The following RBFOX1 variants were observed in gnomAD, a reference collection of about 807,000 sequenced individuals.
RBFOX1 encodes RNA binding protein fox-1 homolog 1.
Under a neutral mutation model 57.7 loss-of-function variants are expected in RBFOX1, and 8 were observed. The ratio of observed to expected loss-of-function variants is 0.14; its 90% confidence interval spans 0.08 to 0.25. The LOEUF is 0.25. RBFOX1 is among the 10% of genes least tolerant of loss of function. The pLI is 1.00. For synonymous variants in RBFOX1, 326 were observed against 222.4 expected, an observed-to-expected ratio of 1.47 and a Z score of -4.15; for missense variants, 611 against 548.5, an observed-to-expected ratio of 1.11 and a Z score of -1.14.
At chr16:7,153,849 G>C (rs555187583) in intron 4 of RBFOX1, among the ~76,000 whole-genome samples, 2 of 152,110 alleles carry the variant, frequency 1.3e-5, no homozygotes, top group Non-Finnish European at 2.9e-5. Flanking sequence ...CAGGCTATCA[G>C]ATGTTTTTGT....
intron 3 of RBFOX1, among the ~76,000 whole-genome samples, chr16:6,685,573 C>A (rs916969364): frequency 6.6e-6 from 1 of 152,006 alleles, no homozygotes; most frequent in African/African-American, 2.4e-5. Context: ...CAGGCATGAG[C>A]CACTGTGTCT....
chr16:7,159,620 C>A (rs923788096), intron 4 of RBFOX1, among the ~76,000 whole-genome samples: 1 of 152,166 alleles, frequency 6.6e-6, no homozygotes, highest in Non-Finnish European at 1.5e-5. Context: ...CAGTCATCTC[C>A]CGCTTATCGT....
intron 1 of RBFOX1, among the ~76,000 whole-genome samples, chr16:5,406,962 T>A (rs984237205): frequency 1.3e-5 from 2 of 152,098 alleles, no homozygotes; most frequent in Non-Finnish European, 2.9e-5. Context: ...GAAGTGACAT[T>A]TGAGTGATGT....
At chr16:5,996,563 G>A (rs1321798387) in intron 4 of RBFOX1, among the ~76,000 whole-genome samples, 1 of 152,010 alleles carries the variant, frequency 6.6e-6, no homozygotes, top group Non-Finnish European at 1.5e-5. Flanking sequence ...AAGTGAGGGG[G>A]CTATTTGCAA....
At chr16:6,121,517 C>T (rs1461710504) in intron 1 of RBFOX1, among the ~76,000 whole-genome samples, 2 of 152,200 alleles carry the variant, frequency 1.3e-5, no homozygotes, top group Admixed American at 1.3e-4. Context: ...AATGATCCAG[C>T]CACATTAACC....
At position 5,268,270 on chromosome 16, in the gene RBFOX1, G is replaced by A. The variant is rs2062912491; in HGVS notation, c.219+28165G>A. Among the ~76,000 whole-genome samples, 3 of 152,130 alleles carry A rather than the reference G, an allele frequency of 2.0e-5. No individual in the cohort carries two copies. In the South Asian group the frequency reaches 6.2e-4, roughly 32 times the overall value. On this transcript the variant is annotated intron_variant, in intron 1 of 2. Transcript: ENST00000585867. ...CTTCGTACCTACAAGTGCAATTTGT[G>A]TTAATTCTGCAAAATTTGCCGTATA... is the stretch of plus-strand genomic sequence containing the variant.
intron 1 of RBFOX1, among the ~76,000 whole-genome samples, chr16:5,423,015 G>A (rs1271393079): frequency 8.9e-6 from 1 of 112,620 alleles, no homozygotes; most frequent in East Asian, 3.0e-4. Flanking sequence ...GGAGGAGAAA[G>A]GAGAGGGAGG....
In RBFOX1 at chr16:5,473,027, CT is replaced by C. The variant is rs1210628550; in HGVS notation, c.258+5774del. On this transcript the variant is annotated intron_variant, in intron 2 of 2. Coordinates refer to the RBFOX1 transcript ENST00000585867. ...CACCTTTCTGACATTGCCTCTGCCCCTGCCTTGATCCATGAGGCTCTCAGAG... is the reference window on the plus strand; with the variant it reads ...CACCTTTCTGACATTGCCTCTGCCCCGCCTTGATCCATGAGGCTCTCAGAG... 2.0e-5 allele frequency among the ~76,000 whole-genome samples: 3 copies of C among 152,214 alleles called. No individual in the cohort carries two copies. In the East Asian group the frequency reaches 5.8e-4, roughly 29 times the overall value.
chr16:7,091,665 C>G (rs1382238798), intron 4 of RBFOX1, among the ~76,000 whole-genome samples: 2 of 152,210 alleles, frequency 1.3e-5, no homozygotes, highest in African/African-American at 4.8e-5. Flanking sequence ...TGTAAGCAAA[C>G]TTGTGAAGTA....
chr16:6,602,764 C>T (rs565381252), intron 2 of RBFOX1, among the ~76,000 whole-genome samples: 1 of 152,144 alleles, frequency 6.6e-6, no homozygotes, highest in East Asian at 1.9e-4. Context: ...CCCTTCTGTG[C>T]ATTCCTCTTG....
chr16:6,030,417 G>A (rs2095271573), intron 1 of RBFOX1, among the ~76,000 whole-genome samples: 2 of 152,194 alleles, frequency 1.3e-5, no homozygotes, highest in South Asian at 4.1e-4. Flanking sequence ...AGTCACAGTA[G>A]TAAATAGAAT....
intron 3 of RBFOX1, among the ~76,000 whole-genome samples, chr16:6,901,007 G>T (rs2068341027): frequency 6.6e-6 from 1 of 152,122 alleles, no homozygotes; most frequent in African/African-American, 2.4e-5. Flanking sequence ...AAGACTTCCT[G>T]ATATCCCTCC....
intron 3 of RBFOX1, among the ~76,000 whole-genome samples, chr16:7,010,499 G>T (rs1485645061): frequency 6.6e-6 from 1 of 151,984 alleles, no homozygotes; most frequent in Non-Finnish European, 1.5e-5. Context: ...AGGAGATGTG[G>T]GTTGGAAAAG....
chr16:6,873,739 G>T (rs755019083), intron 3 of RBFOX1, among the ~76,000 whole-genome samples: 14 of 152,258 alleles, frequency 9.2e-5, no homozygotes, highest in Non-Finnish European at 1.9e-4. Flanking sequence ...TCATCACCAT[G>T]AAAATCAGAT....
At chr16:6,279,907 G>A (rs1219615575) in intron 1 of RBFOX1, among the ~76,000 whole-genome samples, 1 of 151,862 alleles carries the variant, frequency 6.6e-6, no homozygotes, top group African/African-American at 2.4e-5. Context: ...TTTTTTTAAT[G>A]ATCTGGAAGG....
chr16:6,919,374 A>G (rs1441172651), intron 3 of RBFOX1, among the ~76,000 whole-genome samples: 1 of 152,122 alleles, frequency 6.6e-6, no homozygotes, highest in Non-Finnish European at 1.5e-5. Context: ...ACAGCCCAGC[A>G]GTTTAGGTTC....
At chr16:7,265,175 C>A (rs1218201324) in intron 4 of RBFOX1, among the ~76,000 whole-genome samples, 1 of 152,170 alleles carries the variant, frequency 6.6e-6, no homozygotes, top group Non-Finnish European at 1.5e-5. Flanking sequence ...ATCCAGTTGC[C>A]ATAGCAAAGT....
intron 1 of RBFOX1, among the ~76,000 whole-genome samples, chr16:6,108,206 T>C (rs1449734656): frequency 6.6e-6 from 1 of 152,180 alleles, no homozygotes; most frequent in Non-Finnish European, 1.5e-5. Context: ...TGTTGTTTTT[T>C]AGACCCAAGC....
chr16:6,966,401 G>T (rs897390967), intron 3 of RBFOX1, among the ~76,000 whole-genome samples: 18 of 152,086 alleles, frequency 1.2e-4, no homozygotes, highest in African/African-American at 4.1e-4. Flanking sequence ...AGGAGGAAGG[G>T]GTACATGACC....
Sources: allele counts gnomAD v4.1 joint callset (sites outside exome capture counted in the v4.1 genomes callset), GRCh38; gene constraint gnomAD v4.1.1; transcripts MANE v1.5; gene names NCBI Gene and HGNC (gene_info 2026-07-23, HGNC 2026-07-21).